The following PCBP3 variants were observed in gnomAD, a reference collection of about 807,000 sequenced individuals.
PCBP3 encodes the protein poly(rC) binding protein 3, also known as poly(rC)-binding protein 3.
Under a neutral mutation model 52.7 loss-of-function variants are expected in PCBP3, and 25 were observed. The ratio of observed to expected loss-of-function variants is 0.47; its 90% confidence interval spans 0.35 to 0.66. PCBP3 has a LOEUF of 0.66. PCBP3 is among the 30% of genes least tolerant of loss of function. PCBP3 has a pLI of 0.01. For synonymous variants in PCBP3, 162 were observed against 183.0 expected (o/e 0.89, Z 0.93); for missense variants, 391 against 490.3 (o/e 0.80, Z 1.91).
chr21:45,766,621 G>A (rs557457064), intron 4 of PCBP3, among the ~76,000 whole-genome samples: 1 of 152,282 alleles, frequency 6.6e-6, no homozygotes, highest in Non-Finnish European at 1.5e-5. Flanking sequence ...TTTACCTCAC[G>A]GTTACACTTT....
At chr21:45,649,888 G>A (rs904673704) in intron 1 of PCBP3, among the ~76,000 whole-genome samples, 5 of 151,728 alleles carry the variant, frequency 3.3e-5, no homozygotes, top group African/African-American at 1.2e-4. Context: ...AATAGATTTT[G>A]AATTTTCTCA....
At chr21:45,688,797 C>A (rs1461736131) in intron 2 of PCBP3, among the ~76,000 whole-genome samples, 1 of 151,528 alleles carries the variant, frequency 6.6e-6, no homozygotes, top group Non-Finnish European at 1.5e-5. Context: ...GATCTTACAA[C>A]ACTGAAAAGG....
intron 2 of PCBP3, among the ~76,000 whole-genome samples, chr21:45,714,980 A>G (rs1283429826): frequency 6.6e-6 from 1 of 152,216 alleles, no homozygotes; most frequent in Non-Finnish European, 1.5e-5. Flanking sequence ...GTTCTCAGGA[A>G]GGGGAACTGG....
chr21:45,871,430 G>A (rs1250308904), intron 5 of PCBP3: 3 of 154,604 alleles, frequency 1.9e-5, no homozygotes, highest in East Asian at 1.9e-4. Context: ...CCCTCCACCC[G>A]CACCCAGAGA....
At chr21:45,644,191 C>G (rs933807201) in intron 1 of PCBP3, among the ~76,000 whole-genome samples, 2 of 151,596 alleles carry the variant, frequency 1.3e-5, no homozygotes, top group Non-Finnish European at 2.9e-5. Flanking sequence ...AACGTCTGGA[C>G]TACTTGAGGC....
At chr21:45,910,691 C>T (rs923623730) in intron 10 of PCBP3, among the ~76,000 whole-genome samples, 8 of 151,992 alleles carry the variant, frequency 5.3e-5, no homozygotes, top group African/African-American at 1.5e-4. Context: ...CAAGTGCGCC[C>T]GAGGGAAGGC....
rs1202295623 is a variant in PCBP3 at position 45,829,894 on chromosome 21, T to C, written c.-125-20067T>C. 1 of 152,710 alleles carries C rather than the reference T, an allele frequency of 6.5e-6. No homozygotes were observed. Among genetic ancestry groups the C allele is most frequent in the Non-Finnish European group, 1.5e-5 (1 of 68,122 alleles). 9.5% of individuals were successfully genotyped at this position (152,710 alleles called of 1,614,324 possible). A position where few individuals can be genotyped will look rare whatever the true frequency, so the allele number is the denominator to read the frequency against. ...GGCATGTTCTTCAAGTGGGCCCTCATCCTGGCAATCTCACCATGCCATGGC... is the reference window on the plus strand; with the variant it reads ...GGCATGTTCTTCAAGTGGGCCCTCACCCTGGCAATCTCACCATGCCATGGC... On this transcript the variant is annotated intron_variant, in intron 4 of 17. Transcript: ENST00000681687. This position sits in a 1 kb window ranked among gnomAD's most constrained non-coding sequence, Gnocchi z 5.2.
chr21:45,814,575 G>C, intron 4 of PCBP3, among the ~76,000 whole-genome samples: 1 of 135,250 alleles, frequency 7.4e-6, no homozygotes. Flanking sequence ...TGAGTGGTGA[G>C]TGGTGAGTGA....
rs1259253747 is a variant in PCBP3, at chr21:45,740,156, C to T, written c.-162+4727C>T. ...TTGCTTCTCTGCCCCATCCTCCGAC[C>T]CAAGGGGCTAAGTCGCGTTTCCTCC... On this transcript the variant is annotated intron_variant, in intron 3 of 17. Coordinates refer to ENST00000681687, the MANE Select transcript of PCBP3 (RefSeq NM_001384156.1). Among the ~76,000 whole-genome samples the T allele has an allele frequency of 3.9e-5, 6 of 152,308 alleles. No individual in the cohort carries two copies. In the East Asian group the frequency reaches 1.2e-3, roughly 29 times the overall value.
At chr21:45,941,645 C>T in intron 17 of PCBP3, 25 bp from the exon 18 acceptor site, 1 of 1,602,590 alleles carries the variant, frequency 6.2e-7, no homozygotes. Flanking sequence ...ACCGTCTCTC[C>T]CTCTCCTGCC....
chr21:45,650,587 A>C (rs2079614329), intron 1 of PCBP3, among the ~76,000 whole-genome samples: 1 of 152,024 alleles, frequency 6.6e-6, no homozygotes. Context: ...ATTAGCTGGG[A>C]TTATAGGCGC....
intron 4 of PCBP3, among the ~76,000 whole-genome samples, chr21:45,764,179 A>G (rs1431261982): frequency 1.4e-5 from 2 of 147,934 alleles, no homozygotes; most frequent in African/African-American, 5.0e-5. Flanking sequence ...CTGGAGTGCA[A>G]TGGCGCAATC....
At chr21:45,855,545 A>G (rs567531504) in intron 5 of PCBP3, among the ~76,000 whole-genome samples, 1 of 152,342 alleles carries the variant, frequency 6.6e-6, no homozygotes, top group South Asian at 2.1e-4. Context: ...AGAGCCCCTT[A>G]GAGTTGAAGC....
At chr21:45,688,006 C>G (rs2082250695) in intron 2 of PCBP3, among the ~76,000 whole-genome samples, 2 of 152,168 alleles carry the variant, frequency 1.3e-5, no homozygotes, top group Non-Finnish European at 2.9e-5. Flanking sequence ...TCTGGGATTA[C>G]AGGCATGAGC....
chr21:45,676,470 A>T (rs191211226), intron 2 of PCBP3, among the ~76,000 whole-genome samples: 11 of 152,132 alleles, frequency 7.2e-5, no homozygotes, highest in Admixed American at 5.9e-4. Context: ...TCTCTGTGTC[A>T]CATTTTAGTA....
At chr21:45,801,734 G>T (rs1024979785) in intron 4 of PCBP3, among the ~76,000 whole-genome samples, 1 of 152,198 alleles carries the variant, frequency 6.6e-6, no homozygotes, top group Admixed American at 6.5e-5. Context: ...GGAATTCTGG[G>T]CAGTATGTGC....
chr21:45,815,030 TG>T (rs2092843270), intron 4 of PCBP3, among the ~76,000 whole-genome samples: 1 of 103,890 alleles, frequency 9.6e-6, no homozygotes, highest in Non-Finnish European at 1.9e-5. Flanking sequence ...GAGTGGTGAG[TG>T]AGTGATGAGT....
chr21:45,885,543 C>G (rs1198835477), intron 5 of PCBP3, among the ~76,000 whole-genome samples: 1 of 152,180 alleles, frequency 6.6e-6, no homozygotes, highest in Non-Finnish European at 1.5e-5. Context: ...CTCCCCATGT[C>G]CCACAGGTCT....
rs1396029251 is a variant in PCBP3, at chr21:45,837,489, T to A, written c.-125-12472T>A. 6.6e-6 allele frequency among the ~76,000 whole-genome samples: 1 copy of A among 152,150 alleles called. No homozygotes were observed. The highest frequency in any genetic ancestry group is 1.5e-5 in the Non-Finnish European group (1 of 68,024). Reference sequence around the variant, plus strand: ...CGCCCTAGCTTCAGGTTATAGGGCATGGCTACGTGCCTGTGGAAATTCTCC... The same window carrying A: ...CGCCCTAGCTTCAGGTTATAGGGCAAGGCTACGTGCCTGTGGAAATTCTCC... On this transcript the variant is annotated intron_variant, in intron 4 of 17. Transcript: ENST00000681687. This position sits in a 1 kb window ranked among gnomAD's most constrained non-coding sequence, Gnocchi z 4.1.
Sources: gnomAD v4.1 joint callset for allele counts (sites outside exome capture counted in the v4.1 genomes callset) on GRCh38, gnomAD v4.1.1 for gene constraint, Gnocchi (gnomAD v3.1) non-coding constraint, MANE v1.5 for transcripts, NCBI Gene and HGNC (gene_info 2026-07-23, HGNC 2026-07-21) for gene names.